PLCG1: variants seen among roughly 807,000 people sequenced by gnomAD.
PLCG1 encodes 1-phosphatidylinositol 4,5-bisphosphate phosphodiesterase gamma-1.
A neutral mutation model predicts 177.8 loss-of-function variants in PLCG1; 71 were observed. The ratio of observed to expected loss-of-function variants is 0.40; its 90% CI spans 0.33 to 0.49. The LOEUF (loss-of-function observed/expected upper bound fraction) is 0.49, where lower values mean the gene tolerates loss of function less well. Among genes scored for constraint, PLCG1 ranks in the 20% least tolerant of loss-of-function variants. PLCG1 has a pLI of 0.72. For missense variants in PLCG1, 1,281 were observed against 1,709.0 expected, an observed-to-expected ratio of 0.75 and a Z score of 4.42; for synonymous variants, 658 against 647.9, an observed-to-expected ratio of 1.02 and a Z score of -0.24.
rs752822598 is a variant in PLCG1 at position 41,173,735 on chromosome 20, G to A, written c.3478G>A (p.Val1160Met). 5 of 1,614,170 alleles carry A rather than the reference G, an allele frequency of 3.1e-6. No individual in the cohort carries two copies. Among genetic ancestry groups the A allele is most frequent in the South Asian group, 2.2e-5 (2 of 91,090 alleles). The change falls in exon 29 of 32, where the codon GTG becomes ATG. Residue 1160 changes from valine to methionine, a missense_variant. Coordinates refer to ENST00000685551, the MANE Select transcript of PLCG1 (RefSeq NM_002660.3). This position sits in a 1 kb window ranked among gnomAD's most constrained non-coding sequence, Gnocchi z 6.2. ...SNPEFAFLRF[V>M]VYEEDMFSDQ... ...CCCTGAATTTGCCTTTCTGCGCTTC[G>A]TGGTGTATGAGGAAGACATGTTTAG...
rs2036066682 is a variant in PLCG1 at position 41,176,425 on chromosome 20, C to T, written c.*1916C>T. ...TGTTTCCTCTCTAGGTTTTTATGGC[C>T]TGGAGAGAAAGGTTTCCTATCAGAG... On this transcript the variant is annotated 3_prime_UTR_variant, in exon 32 of 32. Coordinates refer to ENST00000685551, the MANE Select transcript of PLCG1 (RefSeq NM_002660.3). 2 of 152,152 alleles carry T rather than the reference C, an allele frequency of 1.3e-5. No individual in the cohort carries two copies. Among genetic ancestry groups the T allele is most frequent in the African/African-American group, 2.4e-5 (1 of 41,428 alleles). 9.4% of individuals were successfully genotyped at this position (152,152 alleles called of 1,614,324 possible). A position where few individuals can be genotyped will look rare whatever the true frequency, so the allele number is the denominator to read the frequency against.
chr20:41,169,653 C>T (rs1309306319), intron 23 of PLCG1, 127 bp downstream of exon 23: 2 of 744,362 alleles, frequency 2.7e-6, no homozygotes, highest in Non-Finnish European at 4.7e-6. Flanking sequence ...CCAAGCTCTC[C>T]CCATGCTCTG....
rs373026323 is a variant in PLCG1, at chr20:41,148,481, CAGGGCAGCAGAGAG to C, written c.217+10626_217+10639del. Among the ~76,000 whole-genome samples, 4 of 151,934 alleles carry C rather than the reference CAGGGCAGCAGAGAG, an allele frequency of 2.6e-5. No homozygotes were observed. Among genetic ancestry groups the C allele is most frequent in the South Asian group, 2.1e-4 (1 of 4,798 alleles). On this transcript the variant is annotated intron_variant, in intron 1 of 31. Coordinates refer to ENST00000685551, the MANE Select transcript of PLCG1 (RefSeq NM_002660.3). The surrounding 1 kb of genome is among the most constrained non-coding windows in gnomAD (Gnocchi z 4.3). ...CCCTTGTGAGAGGGCTCTGCAGAGA[CAGGGCAGCAGAGAG>C]AGACTTGGAGATATGCTGGGCTGTG...
In PLCG1 at chr20:41,165,839, A is replaced by C. The variant is rs778731536; in HGVS notation, c.1799+13A>C. Reference sequence around the variant, plus strand: ...CGCTCTCTTTCTGGTAACACTTCCCATGCAGATGCGTATGTTCAGTCAGCG... The same window carrying C: ...CGCTCTCTTTCTGGTAACACTTCCCCTGCAGATGCGTATGTTCAGTCAGCG... On this transcript the variant is annotated intron_variant, in intron 16 of 31. Coordinates refer to ENST00000685551, the MANE Select transcript of PLCG1 (RefSeq NM_002660.3). This position sits in a 1 kb window ranked among gnomAD's most constrained non-coding sequence, Gnocchi z 6.6. The C allele has an allele frequency of 6.4e-7, 1 of 1,559,334 alleles. No individual in the cohort carries two copies. Among genetic ancestry groups the C allele is most frequent in the East Asian group, 2.3e-5 (1 of 44,220 alleles).
chr20:41,166,419 C>T lies in PLCG1; in HGVS notation c.2000+25C>T, dbSNP rs1213101907. On this transcript the variant is annotated intron_variant, in intron 17 of 31. Transcript: ENST00000685551. The surrounding 1 kb of genome is among the most constrained non-coding windows in gnomAD (Gnocchi z 8.6). Reference sequence around the variant, plus strand: ...AGTGAGGGAAGGGCCTGGGGGCGGACAAGGCAGGGCAGGGCCATGGGTGGT... The same window carrying T: ...AGTGAGGGAAGGGCCTGGGGGCGGATAAGGCAGGGCAGGGCCATGGGTGGT... 8 of 1,613,876 alleles carry T rather than the reference C, an allele frequency of 5.0e-6. No individual in the cohort carries two copies. Among genetic ancestry groups the T allele is most frequent in the Non-Finnish European group, 6.8e-6 (8 of 1,180,032 alleles).
Position 41,163,898 on chromosome 20 carries a change from C to T in PLCG1, c.1011-23C>T, listed in dbSNP as rs2076145. The T allele has an allele frequency of 0.035, 56,588 of 1,612,832 alleles. 6,331 individuals carry two copies. In the East Asian group the frequency reaches 0.47, roughly 13 times the overall value. On this transcript the variant is annotated intron_variant, in intron 10 of 31. Transcript: ENST00000685551. The surrounding 1 kb of genome is among the most constrained non-coding windows in gnomAD (Gnocchi z 5.2). ...AGGAGGGCCCATCTGACCATACCTA[C>T]CTGCCTCTCCTTGCCTATCCAGGTA... is the stretch of plus-strand genomic sequence containing the variant.
At chr20:41,140,992 C>T (rs565907379) in intron 1 of PLCG1, among the ~76,000 whole-genome samples, 1 of 152,238 alleles carries the variant, frequency 6.6e-6, no homozygotes, top group East Asian at 1.9e-4. Context: ...TGTGAGACAC[C>T]TTTGTGCTCA....
rs576401488 is a variant in PLCG1, at chr20:41,177,320, G to A, written c.*2811G>A. 1 of 152,284 alleles carries A rather than the reference G, an allele frequency of 6.6e-6. No individual in the cohort carries two copies. The highest frequency in any genetic ancestry group is 1.5e-5 in the Non-Finnish European group (1 of 68,054). The allele number at this position is 152,284 out of a possible 1,614,324, so 9.4% of individuals were successfully genotyped here. A position where few individuals can be genotyped will look rare whatever the true frequency, so the allele number is the denominator to read the frequency against. On this transcript the variant is annotated 3_prime_UTR_variant, in exon 32 of 32. Transcript: ENST00000685551. ...TCAGGGGCATTCTGCCCCCGCCACA[G>A]GACTAAAGACTGCCCTGCGGGAAGA...
intron 1 of PLCG1, among the ~76,000 whole-genome samples, chr20:41,154,626 G>T (rs554765349): frequency 6.6e-6 from 1 of 152,234 alleles, no homozygotes; most frequent in African/African-American, 2.4e-5. Flanking sequence ...GGGGGAGTCG[G>T]GGTGGGAGCA....
In PLCG1 at chr20:41,166,911, G is replaced by A. The variant is rs1259944205; in HGVS notation, c.2301+52G>A. Reference sequence around the variant, plus strand: ...TGGCAGGGGAGGCAGGAGAGACCCAGAATCTTACCAGTCTCTGGATGTGTG... The same window carrying A: ...TGGCAGGGGAGGCAGGAGAGACCCAAAATCTTACCAGTCTCTGGATGTGTG... On this transcript the variant is annotated intron_variant, in intron 19 of 31. Transcript: ENST00000685551. This position sits in a 1 kb window ranked among gnomAD's most constrained non-coding sequence, Gnocchi z 8.6. The A allele has an allele frequency of 4.6e-6, 7 of 1,525,480 alleles. No homozygotes were observed. In the South Asian group the frequency reaches 7.9e-5, roughly 17 times the overall value. The allele number at this position is 1,525,480 out of a possible 1,614,324, so 94.5% of individuals were successfully genotyped here. A position where few individuals can be genotyped will look rare whatever the true frequency, so the allele number is the denominator to read the frequency against.
rs1568749826 is a variant in PLCG1 at position 41,166,409 on chromosome 20, TG to T, written c.2000+20del. The stretch of plus-strand genomic sequence containing the variant: ...GAGAGCAAAGAGTGAGGGAAGGGCC[TG>T]GGGGCGGACAAGGCAGGGCAGGGCC... On this transcript the variant is annotated intron_variant, in intron 17 of 31. Coordinates refer to ENST00000685551, the MANE Select transcript of PLCG1 (RefSeq NM_002660.3). The surrounding 1 kb of genome is among the most constrained non-coding windows in gnomAD (Gnocchi z 8.6). 2 of 1,613,726 alleles carry T rather than the reference TG, an allele frequency of 1.2e-6. No homozygotes were observed. Among genetic ancestry groups the T allele is most frequent in the Admixed American group, 3.3e-5 (2 of 59,996 alleles).
chr20:41,174,347 CA>C lies in PLCG1; in HGVS notation c.3833+37del. On this transcript the variant is annotated intron_variant, in intron 31 of 31. Coordinates refer to ENST00000685551, the MANE Select transcript of PLCG1 (RefSeq NM_002660.3). The surrounding 1 kb of genome is among the most constrained non-coding windows in gnomAD (Gnocchi z 5.8). ...TGGAGGGGTGCTAGAGCCAGGAAGG[CA>C]GTGGCTAGGTCCTCCTTCTTCAGTG... The C allele has an allele frequency of 3.1e-6, 5 of 1,604,874 alleles. No individual in the cohort carries two copies. The highest frequency in any genetic ancestry group is 4.3e-6 in the Non-Finnish European group (5 of 1,171,894).
At position 41,173,867 on chromosome 20, in the gene PLCG1, C is replaced by T. The variant is rs576213714; in HGVS notation, c.3556+54C>T. 20 of 1,610,518 alleles carry T rather than the reference C, an allele frequency of 1.2e-5. No homozygotes were observed. The South Asian group carries it at 2.1e-4, about 17-fold the overall frequency. ...CTGCAATCTTGCTGGCAGGGTGGGG[C>T]TGGGCCCCTTGCTCTGTCCCTCGTG... On this transcript the variant is annotated intron_variant, in intron 29 of 31. Coordinates refer to ENST00000685551, the MANE Select transcript of PLCG1 (RefSeq NM_002660.3). The surrounding 1 kb of genome is among the most constrained non-coding windows in gnomAD (Gnocchi z 6.2).
chr20:41,139,583 A>G (rs867934681), intron 1 of PLCG1, among the ~76,000 whole-genome samples: 1 of 152,138 alleles, frequency 6.6e-6, no homozygotes, highest in East Asian at 1.9e-4. Context: ...TCATGTGTAA[A>G]ATGGGGGTAA....
At position 41,163,768 on chromosome 20, in the gene PLCG1, T is replaced by A. The variant is rs1157151410; in HGVS notation, c.945T>A (p.Asp315Glu). ...ACAGTGTGTGGAACTCGCAGCTGGA[T>A]GCAGTATGCCCGGACACCATGAACA... ...KENSVWNSQL[D>E]AVCPDTMNNP... Residue 315 changes from aspartate to glutamate, a missense_variant, in exon 10 of 32, where the codon GAT (aspartate) becomes GAA (glutamate). Coordinates refer to ENST00000685551, the MANE Select transcript of PLCG1 (RefSeq NM_002660.3). This position sits in a 1 kb window ranked among gnomAD's most constrained non-coding sequence, Gnocchi z 5.2. The A allele has an allele frequency of 2.5e-6, 4 of 1,613,266 alleles. No homozygotes were observed. In the African/African-American group the frequency reaches 4.0e-5, roughly 16 times the overall value.
In PLCG1 at chr20:41,165,093, C is replaced by T. The variant is rs1299928366; in HGVS notation, c.1378C>T (p.Leu460Phe). The change falls in exon 13 of 32, where the codon CTC (leucine) becomes TTC (phenylalanine). Residue 460 changes from leucine (L) to phenylalanine (F), a missense_variant. By Grantham distance (22) the Leu-to-Phe change is conservative. This residue lies in a region of PLCG1 where 723 missense variants were observed against 1,030.0 expected (regional missense o/e 0.70). Coordinates refer to ENST00000685551, the MANE Select transcript of PLCG1 (RefSeq NM_002660.3). This position sits in a 1 kb window ranked among gnomAD's most constrained non-coding sequence, Gnocchi z 6.6. ...PSPNQLKRKI[L>F]IKHKKLAEGS... ...ACCCAACCAGCTTAAGAGGAAGATC[C>T]TCATCAAGGTGGGGTGGCGGGCTTA... The T allele has an allele frequency of 3.1e-6, 5 of 1,611,884 alleles. No individual in the cohort carries two copies. In the South Asian group the frequency reaches 5.5e-5, roughly 18 times the overall value.
At position 41,169,126 on chromosome 20, in the gene PLCG1, A is replaced by T. The variant is rs2035807014; in HGVS notation, c.2531A>T (p.Asn844Ile). The change falls in exon 22 of 32, where the codon AAC becomes ATC. Residue 844 changes from asparagine (N) to isoleucine (I), a missense_variant. Asn to Ile is a moderately radical substitution (Grantham distance 149). Transcript: ENST00000685551. ...AAGAAGCAGCTGTGGTTCCCATCAA[A>T]CTACGTGGAAGAGATGGTCAACCCC... ...GGKKQLWFPSNYVEEMVNPVA... is the reference protein window; with the variant it reads ...GGKKQLWFPSIYVEEMVNPVA... The T allele has an allele frequency of 6.2e-7, 1 of 1,614,104 alleles. No homozygotes were observed. The highest frequency in any genetic ancestry group is 2.2e-5 in the East Asian group (1 of 44,868).
chr20:41,142,626 A>T (rs922523701), intron 1 of PLCG1, among the ~76,000 whole-genome samples: 2 of 152,176 alleles, frequency 1.3e-5, no homozygotes, highest in African/African-American at 4.8e-5. Flanking sequence ...GTAGTTAAGC[A>T]TTTGGGCCCT....
In PLCG1 at chr20:41,172,857, C is replaced by T; in HGVS notation, c.3259C>T (p.Pro1087Ser). The T allele has an allele frequency of 6.2e-7, 1 of 1,614,024 alleles. No individual in the cohort carries two copies. Among genetic ancestry groups the T allele is most frequent in the Non-Finnish European group, 8.5e-7 (1 of 1,179,988 alleles). The change falls in exon 27 of 32, where the codon CCA becomes TCA. Residue 1087 changes from proline to serine, a missense_variant. Pro to Ser is a moderately conservative substitution (Grantham distance 74). Around this residue, in one of 4 missense-constraint regions of PLCG1, gnomAD observed 723 missense variants for 1,030.0 expected, o/e 0.70. Coordinates refer to ENST00000685551, the MANE Select transcript of PLCG1 (RefSeq NM_002660.3). This position sits in a 1 kb window ranked among gnomAD's most constrained non-coding sequence, Gnocchi z 7.0. Reference sequence around the variant, plus strand: ...CAAGAGCAGCCTCCGCGGGCTGGAGCCATGTGCCATCTCTATTGAGGTGGG... The same window carrying T: ...CAAGAGCAGCCTCCGCGGGCTGGAGTCATGTGCCATCTCTATTGAGGTGGG... ...FDKSSLRGLE[P>S]CAISIEVLGA...
Sources: gnomAD v4.1 joint callset for allele counts (sites outside exome capture counted in the v4.1 genomes callset) on GRCh38, gnomAD v4.1.1 for gene constraint, gnomAD v4.1.1 regional missense constraint, Gnocchi (gnomAD v3.1) non-coding constraint, MANE v1.5 for transcripts, NCBI Gene and HGNC (gene_info 2026-07-23, HGNC 2026-07-21) for gene names.